ABCG8: variants seen among roughly 807,000 people sequenced by gnomAD.
ABCG8 encodes the protein ATP-binding cassette sub-family G member 8.
In ABCG8, 81 loss-of-function variants were observed where a neutral mutation model predicts 71.3. The observed-to-expected ratio is 1.14, with a 90% confidence interval of 0.95 to 1.37. The LOEUF (loss-of-function observed/expected upper bound fraction) is 1.37. ABCG8 is among the 40% of genes most tolerant of loss of function. The probability of loss-of-function intolerance (pLI) is 0.00; values close to 1 mark genes in which losing one functional copy is unlikely to be tolerated. For missense variants in ABCG8, 1,119 were observed against 866.2 expected (o/e 1.29, Z -3.66); for synonymous variants, 451 against 354.7 (o/e 1.27, Z -3.05).
In ABCG8 at chr2:43,877,590, C is replaced by T; in HGVS notation, c.1786C>T (p.Leu596=). The change falls in exon 12 of 13, where the codon CTG becomes TTG. Residue 596 remains leucine, a synonymous_variant. Transcript: ENST00000272286. ...CGCGTGGATTTCCAAAGTGTCCTTC[C>T]TGCGGTGGTGTTTTGAAGGGCTGAT... ...VPAWISKVSF[L]RWCFEGLMKI... 6.2e-7 allele frequency: 1 copy of T among 1,614,116 alleles called. No homozygotes were observed. The highest frequency in any genetic ancestry group is 8.5e-7 in the Non-Finnish European group (1 of 1,180,016).
intron 6 of ABCG8, among the ~76,000 whole-genome samples, chr2:43,859,912 G>T (rs1669246022): frequency 6.6e-6 from 1 of 151,058 alleles, no homozygotes; most frequent in Admixed American, 6.6e-5. Context: ...TCATTCTCTG[G>T]ATAGATCTCT....
In ABCG8 at chr2:43,839,144, G is replaced by A. The variant is rs1428304215; in HGVS notation, c.63+28G>A. 6 of 1,550,230 alleles carry A rather than the reference G, an allele frequency of 3.9e-6. No individual in the cohort carries two copies. In the African/African-American group the frequency reaches 4.1e-5, roughly 11 times the overall value. On this transcript the variant is annotated intron_variant, in intron 1 of 12. Transcript: ENST00000272286. The stretch of plus-strand genomic sequence containing the variant: ...GAGTGAGCAATGGGAAGTCGGCCCA[G>A]GCCTGGTGGGCGGGTAGGAGAAATC...
At position 43,877,565 on chromosome 2, in the gene ABCG8, C is replaced by A; in HGVS notation, c.1761C>A (p.Pro587=). The change falls in exon 12 of 13, where the codon CCC becomes CCA. Residue 587 remains proline (P), a synonymous_variant. Transcript: ENST00000272286. Reference sequence around the variant, plus strand: ...AACGCGGCTGTCTGTCTCCAGTGCCCGCGTGGATTTCCAAAGTGTCCTTCC... The same window carrying A: ...AACGCGGCTGTCTGTCTCCAGTGCCAGCGTGGATTTCCAAAGTGTCCTTCC... ...MINLSSLWTV[P]AWISKVSFLR... is the part of the protein sequence containing the mutation. 3.1e-6 allele frequency: 5 copies of A among 1,613,800 alleles called. No individual in the cohort carries two copies. In the South Asian group the frequency reaches 5.5e-5, roughly 18 times the overall value.
At chr2:43,867,511 C>T (rs951437005) in intron 6 of ABCG8, among the ~76,000 whole-genome samples, 5 of 151,570 alleles carry the variant, frequency 3.3e-5, no homozygotes, top group African/African-American at 1.2e-4. Context: ...AGAACTGTCA[C>T]TATCTGGATA....
Position 43,877,902 on chromosome 2 carries a change from C to G in ABCG8, c.2011C>G (p.Gln671Glu). ...SLRFIKQKPSQDW is the reference protein window; with the variant it reads ...SLRFIKQKPSEDW ...AAGGTTCATCAAACAGAAACCAAGT[C>G]AAGACTGGTGATTCACGCCAGACGT... is the stretch of plus-strand genomic sequence containing the variant. Residue 671 changes from glutamine (Q) to glutamate (E), a missense_variant, in exon 13 of 13, where the codon CAA (glutamine) becomes GAA (glutamate). Coordinates refer to ENST00000272286, the MANE Select transcript of ABCG8 (RefSeq NM_022437.3). The G allele has an allele frequency of 6.2e-7, 1 of 1,614,118 alleles. No individual in the cohort carries two copies. The highest frequency in any genetic ancestry group is 8.5e-7 in the Non-Finnish European group (1 of 1,180,018).
chr2:43,871,847 G>T, intron 6 of ABCG8, 129 bp from the exon 7 acceptor site: 1 of 1,342,124 alleles, frequency 7.5e-7, no homozygotes, highest in Non-Finnish European at 1.0e-6. Context: ...CATGGCTGAG[G>T]GTGGGGAGAA....
intron 1 of ABCG8, among the ~76,000 whole-genome samples, chr2:43,839,449 C>T (rs1386860445): frequency 2.7e-4 from 17 of 63,712 alleles, no homozygotes; most frequent in South Asian, 5.0e-4. Context: ...TTTTTTGAGA[C>T]GGAGTCTCGC....
chr2:43,875,049 G>A, intron 10 of ABCG8, 97 bp from the exon 11 acceptor site: 1 of 1,548,688 alleles, frequency 6.5e-7, no homozygotes, highest in Non-Finnish European at 8.8e-7. Context: ...CACCAGGAGG[G>A]AAGGTTGCTA....
chr2:43,846,547 C>A, intron 3 of ABCG8: 1 of 547,020 alleles, frequency 1.8e-6, no homozygotes, highest in Non-Finnish European at 3.3e-6. Context: ...CTTGTCCACC[C>A]GAGGCTGTGG....
intron 10 of ABCG8, 32 bp downstream of exon 10, chr2:43,874,515 C>CCCT: frequency 6.4e-7 from 1 of 1,557,962 alleles, no homozygotes; most frequent in Non-Finnish European, 8.9e-7. Context: ...CAAGTGCCCC[C>CCCT]CACCCACCAG....
chr2:43,854,724 G>C (rs538158113), intron 6 of ABCG8, among the ~76,000 whole-genome samples: 1 of 152,246 alleles, frequency 6.6e-6, no homozygotes, highest in South Asian at 2.1e-4. Flanking sequence ...AGGAATGAAG[G>C]GAGGGTGGGC....
chr2:43,873,791 C>T lies in ABCG8; in HGVS notation c.1216C>T (p.Gln406Ter). The T allele has an allele frequency of 6.2e-7, 1 of 1,614,160 alleles. No individual in the cohort carries two copies. Among genetic ancestry groups the T allele is most frequent in the Non-Finnish European group, 8.5e-7 (1 of 1,180,030 alleles). Residue 406 changes from glutamine (Q) to a stop codon, truncating the protein, a stop_gained, in exon 9 of 13, where the codon CAG becomes TAG. Transcript: ENST00000272286. LOFTEE classifies it high-confidence loss of function. Reference protein sequence around the residue: ...VQQFTTLIRRQISNDFRDLPT... With the variant: ...VQQFTTLIRR ...CTCTTCCTTTTGGTTTTTAAGTCGT[C>T]AGATTTCCAACGACTTCCGAGACCT...
chr2:43,866,240 C>T (rs551864153), intron 6 of ABCG8, among the ~76,000 whole-genome samples: 92 of 151,518 alleles, frequency 6.1e-4, no homozygotes, highest in South Asian at 2.3e-3. Context: ...ACCATAAAAG[C>T]CCTAGAAGAA....
chr2:43,872,342 C>A (rs893049658), intron 8 of ABCG8, 36 bp downstream of exon 8: 4 of 1,588,796 alleles, frequency 2.5e-6, no homozygotes, highest in Non-Finnish European at 3.4e-6. Flanking sequence ...AACCCGCCCC[C>A]CTGCCCAAGT....
intron 6 of ABCG8, among the ~76,000 whole-genome samples, chr2:43,854,074 C>G (rs1053629081): frequency 2.0e-5 from 3 of 152,160 alleles, no homozygotes; most frequent in African/African-American, 7.2e-5. Flanking sequence ...TAAAGTAACC[C>G]CAGAGAGGGG....
At chr2:43,850,056 TGGGTGTGGTGGC>T (rs879299266) in intron 3 of ABCG8, among the ~76,000 whole-genome samples, 3 of 151,726 alleles carry the variant, frequency 2.0e-5, no homozygotes, top group Admixed American at 6.6e-5. Context: ...AAAAATTAGC[TGGGTGTGGTGGC>T]GGGTGTGGTG....
chr2:43,856,450 A>G (rs1669110897), intron 6 of ABCG8, among the ~76,000 whole-genome samples: 1 of 152,062 alleles, frequency 6.6e-6, no homozygotes, highest in African/African-American at 2.4e-5. Context: ...CACCATCTGG[A>G]TAGAACTCTC....
intron 1 of ABCG8, among the ~76,000 whole-genome samples, chr2:43,843,999 G>A (rs892232100): frequency 6.6e-6 from 1 of 152,152 alleles, no homozygotes; most frequent in Non-Finnish European, 1.5e-5. Flanking sequence ...ATTTTTCTCA[G>A]GGTGGTATCT....
intron 1 of ABCG8, among the ~76,000 whole-genome samples, chr2:43,841,523 C>G (rs1389351512): frequency 6.6e-6 from 1 of 152,170 alleles, no homozygotes; most frequent in African/African-American, 2.4e-5. Context: ...TAAAATGGAA[C>G]AGAGGTCGTC....
Sources: gnomAD v4.1 joint callset for allele counts (sites outside exome capture counted in the v4.1 genomes callset) on GRCh38, gnomAD v4.1.1 for gene constraint, MANE v1.5 for transcripts, NCBI Gene and HGNC (gene_info 2026-07-23, HGNC 2026-07-21) for gene names.